The following MIPOL1 variants were observed in gnomAD, a reference collection of about 807,000 sequenced individuals.
MIPOL1 encodes the protein mirror-image polydactyly 1.
A neutral mutation model predicts 60.9 loss-of-function variants in MIPOL1; 57 were observed. The ratio of observed to expected loss-of-function variants is 0.94; its 90% confidence interval spans 0.76 to 1.17. The LOEUF (loss-of-function observed/expected upper bound fraction) is 1.17, where lower values mean the gene tolerates loss of function less well. Among genes scored for constraint, MIPOL1 ranks in the 50% most tolerant of loss-of-function variants. The pLI is 0.00. For missense variants in MIPOL1, 551 were observed against 511.6 expected, an observed-to-expected ratio of 1.08 and a Z score of -0.74; for synonymous variants, 179 against 168.8, an observed-to-expected ratio of 1.06 and a Z score of -0.47.
chr14:37,390,928 T>C (rs892480893), intron 10 of MIPOL1, among the ~76,000 whole-genome samples: 2 of 151,974 alleles, frequency 1.3e-5, no homozygotes, highest in Non-Finnish European at 2.9e-5. Context: ...CTTGAAGCTC[T>C]TAAGTACACC....
At chr14:37,324,750 A>AT (rs60200222) in intron 9 of MIPOL1, among the ~76,000 whole-genome samples, 1 of 151,936 alleles carries the variant, frequency 6.6e-6, no homozygotes, top group African/African-American at 2.4e-5. Flanking sequence ...ATTGAAGTTC[A>AT]TTTTTTTAAA....
At chr14:37,415,517 T>C (rs2093751800) in intron 10 of MIPOL1, among the ~76,000 whole-genome samples, 1 of 151,346 alleles carries the variant, frequency 6.6e-6, no homozygotes, top group Non-Finnish European at 1.5e-5. Flanking sequence ...TAGTCCCAGC[T>C]ACTCGGGAGG....
chr14:37,381,245 T>G (rs2092915837), intron 10 of MIPOL1, among the ~76,000 whole-genome samples: 1 of 152,126 alleles, frequency 6.6e-6, no homozygotes, highest in Admixed American at 6.6e-5. Flanking sequence ...CCTTACCTTC[T>G]ACTCTCATTG....
chr14:37,407,212 A>G (rs2093602832), intron 10 of MIPOL1, among the ~76,000 whole-genome samples: 1 of 152,214 alleles, frequency 6.6e-6, no homozygotes, highest in East Asian at 1.9e-4. Context: ...TGACAATAGT[A>G]TATAGTGGCA....
intron 10 of MIPOL1, among the ~76,000 whole-genome samples, chr14:37,386,773 T>A (rs1014211440): frequency 6.6e-6 from 1 of 151,958 alleles, no homozygotes; most frequent in Non-Finnish European, 1.5e-5. Context: ...TTAATTAATA[T>A]GTCACCATGT....
In MIPOL1 at chr14:37,270,509, T is replaced by C. The variant is rs143254882; in HGVS notation, c.477T>C (p.Ile159=). 6.2e-4 allele frequency: 984 copies of C among 1,595,412 alleles called. No individual in the cohort carries two copies. The highest frequency in any genetic ancestry group is 8.0e-4 in the Non-Finnish European group (941 of 1,169,554). ...ELQEKETEAK[I]AEKTAALVEE... is the part of the protein sequence containing the mutation. Reference sequence around the variant, plus strand: ...AAGAGAAAGAAACAGAAGCTAAAATTGCTGAAAAGACAGCAGGTATAGTAG... The same window carrying C: ...AAGAGAAAGAAACAGAAGCTAAAATCGCTGAAAAGACAGCAGGTATAGTAG... Residue 159 remains isoleucine, a synonymous_variant, in exon 6 of 13, where the codon ATT becomes ATC. Transcript: ENST00000684589.
intron 11 of MIPOL1, among the ~76,000 whole-genome samples, chr14:37,484,604 G>A (rs973480022): frequency 2.0e-5 from 3 of 152,010 alleles, no homozygotes; most frequent in East Asian, 1.9e-4. Context: ...CCAAAGTGCT[G>A]GGATTACAGT....
chr14:37,255,349 T>A (rs1974760578), intron 3 of MIPOL1, among the ~76,000 whole-genome samples: 1 of 151,786 alleles, frequency 6.6e-6, no homozygotes, highest in Admixed American at 6.6e-5. Context: ...CTTTAGAAGG[T>A]TGGTCCAGGT....
At chr14:37,268,842 ATCT>A in intron 5 of MIPOL1, 49 bp downstream of exon 5, 1 of 1,353,386 alleles carries the variant, frequency 7.4e-7, no homozygotes, top group Non-Finnish European at 9.8e-7. Context: ...TTAGCTGTTG[ATCT>A]TCTAAATTTC....
At chr14:37,228,519 C>T (rs1238453844) in intron 1 of MIPOL1, among the ~76,000 whole-genome samples, 3 of 151,930 alleles carry the variant, frequency 2.0e-5, no homozygotes, top group Non-Finnish European at 4.4e-5. Flanking sequence ...ATAGAACAAA[C>T]AGTTTATTGC....
At chr14:37,484,336 T>TG (rs2094915994) in intron 11 of MIPOL1, among the ~76,000 whole-genome samples, 1 of 91,310 alleles carries the variant, frequency 1.1e-5, no homozygotes, top group Admixed American at 1.3e-4. Flanking sequence ...AAATGTTAGA[T>TG]CTTTTTTTTT....
intron 12 of MIPOL1, among the ~76,000 whole-genome samples, chr14:37,508,495 T>C (rs530093962): frequency 6.6e-6 from 1 of 152,300 alleles, no homozygotes; most frequent in South Asian, 2.1e-4. Flanking sequence ...CATATGTTTA[T>C]GGTGAAAATA....
At chr14:37,327,745 C>A (rs1393982742) in intron 9 of MIPOL1, among the ~76,000 whole-genome samples, 1 of 152,102 alleles carries the variant, frequency 6.6e-6, no homozygotes. Flanking sequence ...GATGGTCTAG[C>A]ACAGACAAAA....
intron 9 of MIPOL1, among the ~76,000 whole-genome samples, chr14:37,332,820 C>T (rs1289355053): frequency 1.3e-5 from 2 of 152,028 alleles, no homozygotes; most frequent in Non-Finnish European, 2.9e-5. Context: ...TGTATGGTCC[C>T]ATGGTGTTAC....
In MIPOL1 at chr14:37,236,207, C is replaced by A. The variant is rs1011924496; in HGVS notation, c.-198-10896C>A. Among the ~76,000 whole-genome samples the A allele has an allele frequency of 1.6e-3, 248 of 152,096 alleles. 4 individuals are homozygous for A. Among genetic ancestry groups the A allele is most frequent in the Non-Finnish European group, 4.0e-4 (27 of 68,000 alleles). ...TCCCAAACTGCTAGGATTACAGACA[C>A]TAGGATTACGCGCCTGGCCTCAATT... On this transcript the variant is annotated intron_variant, in intron 1 of 12. Transcript: ENST00000684589.
In MIPOL1 at chr14:37,495,033, A is replaced by T. The variant is rs1047786526; in HGVS notation, c.1032-4875A>T. Among the ~76,000 whole-genome samples the T allele has an allele frequency of 3.9e-5, 6 of 152,118 alleles. No individual in the cohort carries two copies. The East Asian group carries it at 1.2e-3, about 29-fold the overall frequency. ...CTAGAAAGTGAGGAGTGATTAGGAA[A>T]TTAAATCAGGATGCTCATAATTTTC... On this transcript the variant is annotated intron_variant, in intron 11 of 12. Transcript: ENST00000684589.
Position 37,547,165 on chromosome 14 carries a change from C to A in MIPOL1, c.*194C>A. 1.8e-6 allele frequency: 1 copy of A among 551,320 alleles called. No individual in the cohort carries two copies. The highest frequency in any genetic ancestry group is 2.6e-5 in the South Asian group (1 of 38,542). The allele number at this position is 551,320 out of a possible 1,614,324, so 34.2% of individuals were successfully genotyped here. On this transcript the variant is annotated 3_prime_UTR_variant, in exon 13 of 13. Coordinates refer to ENST00000684589, the MANE Select transcript of MIPOL1 (RefSeq NM_001388067.1). ...TTGCTGCTGACTTGAGTTATTTATCCAAATATATTAACTATAGACTTTTAC... is the reference window on the plus strand; with the variant it reads ...TTGCTGCTGACTTGAGTTATTTATCAAAATATATTAACTATAGACTTTTAC...
intron 11 of MIPOL1, among the ~76,000 whole-genome samples, chr14:37,453,594 A>G (rs1019125927): frequency 2.6e-5 from 4 of 152,140 alleles, no homozygotes; most frequent in African/African-American, 9.7e-5. Flanking sequence ...TGGAATGGTA[A>G]CTACCTTTCA....
intron 7 of MIPOL1, among the ~76,000 whole-genome samples, chr14:37,296,733 C>T (rs1396301069): frequency 2.0e-5 from 3 of 152,156 alleles, no homozygotes; most frequent in Non-Finnish European, 4.4e-5. Context: ...TGGACACATA[C>T]ACCCTCCCAA....
Sources: allele counts gnomAD v4.1 joint callset (sites outside exome capture counted in the v4.1 genomes callset), GRCh38; gene constraint gnomAD v4.1.1; transcripts MANE v1.5; gene names NCBI Gene and HGNC (gene_info 2026-07-23, HGNC 2026-07-21).